Variants in CPS1 observed in about 807,000 individuals in gnomAD.
The protein encoded by CPS1 is carbamoyl-phosphate synthase 1, also known as carbamoyl-phosphate synthase [ammonia], mitochondrial.
Under a neutral mutation model 174.6 loss-of-function variants are expected in CPS1, and 109 were observed. The observed-to-expected ratio is 0.62, with a 90% CI of 0.53 to 0.73. CPS1 has a LOEUF of 0.73. CPS1 is among the 30% of genes least tolerant of loss of function. The pLI, the probability that CPS1 is intolerant of heterozygous loss-of-function variation, is 0.00. For missense variants in CPS1, 1,689 were observed against 1,821.9 expected, an observed-to-expected ratio of 0.93 and a Z score of 1.33; for synonymous variants, 637 against 632.0, an observed-to-expected ratio of 1.01 and a Z score of -0.12.
At chr2:210,605,807 A>G (rs941713395) in intron 17 of CPS1, among the ~76,000 whole-genome samples, 9 of 152,098 alleles carry the variant, frequency 5.9e-5, no homozygotes, top group African/African-American at 2.2e-4. Context: ...TTGGCATAAA[A>G]GGGGAAATTG....
intron 34 of CPS1, chr2:210,673,216 T>C (rs150729682): frequency 6.6e-6 from 1 of 152,366 alleles, no homozygotes; most frequent in Non-Finnish European, 1.5e-5. Context: ...AGAATGGATA[T>C]GTTTTTAACA....
intron 1 of CPS1, among the ~76,000 whole-genome samples, chr2:210,523,630 A>G (rs1283302793): frequency 6.6e-6 from 1 of 152,008 alleles, no homozygotes; most frequent in African/African-American, 2.4e-5. Context: ...TTCACTTAAG[A>G]TAATGGTCTT....
At chr2:210,520,612 G>A (rs188279645) in intron 1 of CPS1, among the ~76,000 whole-genome samples, 65 of 151,948 alleles carry the variant, frequency 4.3e-4, no homozygotes, top group African/African-American at 1.3e-3. Flanking sequence ...TGCCTACTCT[G>A]TCTGTCTCTA....
chr2:210,479,466 T>C (rs1384731164), intron 1 of CPS1, among the ~76,000 whole-genome samples: 1 of 152,048 alleles, frequency 6.6e-6, no homozygotes, highest in Non-Finnish European at 1.5e-5. Flanking sequence ...GTAGCTGGGA[T>C]TACAGGCACA....
At chr2:210,520,966 G>GACAT (rs1695809008) in intron 1 of CPS1, among the ~76,000 whole-genome samples, 1 of 151,932 alleles carries the variant, frequency 6.6e-6, no homozygotes, top group Middle Eastern at 3.2e-3. Flanking sequence ...GGGAAAAAGG[G>GACAT]GATCCAATAG....
chr2:210,607,291 A>G (rs1008316444), intron 18 of CPS1, among the ~76,000 whole-genome samples: 1 of 151,950 alleles, frequency 6.6e-6, no homozygotes, highest in Non-Finnish European at 1.5e-5. Flanking sequence ...CTTCAGGTGT[A>G]TAGCCCTATA....
At chr2:210,520,298 T>A (rs998530368) in intron 1 of CPS1, among the ~76,000 whole-genome samples, 2 of 152,004 alleles carry the variant, frequency 1.3e-5, no homozygotes, top group Non-Finnish European at 2.9e-5. Flanking sequence ...ACACCCAATG[T>A]TTCTTTATTT....
chr2:210,536,407 G>T (rs888287432), intron 1 of CPS1, among the ~76,000 whole-genome samples: 1 of 147,630 alleles, frequency 6.8e-6, no homozygotes, highest in Admixed American at 6.9e-5. Context: ...TGCAAGCTCC[G>T]CCTCCCGGGT....
intron 1 of CPS1, among the ~76,000 whole-genome samples, chr2:210,529,092 C>G (rs1449939599): frequency 6.6e-6 from 1 of 151,720 alleles, no homozygotes; most frequent in Non-Finnish European, 1.5e-5. Flanking sequence ...GAAAATAGAA[C>G]TGGGAATATA....
intron 1 of CPS1, among the ~76,000 whole-genome samples, chr2:210,525,696 C>T (rs1695953192): frequency 6.6e-6 from 1 of 151,210 alleles, no homozygotes; most frequent in Non-Finnish European, 1.5e-5. Flanking sequence ...AGATGTCATA[C>T]CAGTGATGGC....
chr2:210,569,005 T>G (rs1438792197), intron 1 of CPS1, among the ~76,000 whole-genome samples: 1 of 152,084 alleles, frequency 6.6e-6, no homozygotes, highest in Non-Finnish European at 1.5e-5. Context: ...ATTCACTATT[T>G]AATCATTTAG....
intron 1 of CPS1, among the ~76,000 whole-genome samples, chr2:210,560,680 C>T (rs1226341582): frequency 6.6e-6 from 1 of 151,914 alleles, no homozygotes; most frequent in Non-Finnish European, 1.5e-5. Flanking sequence ...TATTTAGTTC[C>T]GTCTTGAGGA....
chr2:210,602,837 C>T (rs1477290523), intron 16 of CPS1, among the ~76,000 whole-genome samples: 2 of 151,692 alleles, frequency 1.3e-5, no homozygotes, highest in Non-Finnish European at 1.5e-5. Context: ...TGGTATAAAC[C>T]ACTCAATACA....
intron 34 of CPS1, chr2:210,673,091 A>G (rs1701368391): frequency 1.3e-5 from 2 of 152,246 alleles, no homozygotes; most frequent in South Asian, 4.1e-4. Context: ...TTTTCCAGCC[A>G]TCACTAATAT....
At chr2:210,542,748 A>T (rs1400525616) in intron 1 of CPS1, among the ~76,000 whole-genome samples, 1 of 152,040 alleles carries the variant, frequency 6.6e-6, no homozygotes. Context: ...CAACAAACGA[A>T]ACCCTTCTTG....
chr2:210,612,779 A>G (rs1387071024), intron 20 of CPS1, among the ~76,000 whole-genome samples: 1 of 152,000 alleles, frequency 6.6e-6, no homozygotes, highest in Admixed American at 6.6e-5. Context: ...GCAACAGACT[A>G]TAAAGGCCCA....
chr2:210,650,542 A>G (rs1700529287), intron 28 of CPS1, 104 bp downstream of exon 28: 1 of 872,622 alleles, frequency 1.1e-6, no homozygotes, highest in South Asian at 1.4e-5. Flanking sequence ...ATGCAACCTT[A>G]CTTTGTATGT....
At chr2:210,553,554 AG>A (rs5838211), upstream of CPS1, among the ~76,000 whole-genome samples, 59,314 of 151,412 alleles carry the variant, frequency 0.39, 11,821 homozygotes, top group Middle Eastern at 0.52. Context: ...TGGCTCACAA[AG>A]AATGTACTTC....
chr2:210,551,064 A>G (rs1028436012), intron 1 of CPS1, among the ~76,000 whole-genome samples: 23 of 151,952 alleles, frequency 1.5e-4, no homozygotes, highest in African/African-American at 5.1e-4. Flanking sequence ...GCTATGTTTT[A>G]TAATTGCTAT....
Sources: allele counts gnomAD v4.1 joint callset (sites outside exome capture counted in the v4.1 genomes callset), GRCh38; gene constraint gnomAD v4.1.1; transcripts MANE v1.5; gene names NCBI Gene and HGNC (gene_info 2026-07-23, HGNC 2026-07-21).